NBPF19: variants seen among roughly 807,000 people sequenced by gnomAD.
The protein encoded by NBPF19 is NBPF family member NBPF19.
NBPF19 carries 30 observed loss-of-function variants against 45.9 expected under a neutral mutation model. The observed-to-expected ratio is 0.65, with a 90% CI of 0.49 to 0.89. The LOEUF (loss-of-function observed/expected upper bound fraction) is 0.89. NBPF19 is among the 40% of genes least tolerant of loss of function. The pLI is 0.00. For synonymous variants in NBPF19, 183 were observed against 181.2 expected (o/e 1.01, Z -0.08); for missense variants, 495 against 471.8 (o/e 1.05, Z -0.46).
In NBPF19 at chr1:149,554,512, T is replaced by A; in HGVS notation, c.11306T>A (p.Met3769Lys). ...TTTTCCAGGCTCAACAGCGTGCTGA[T>A]GGAAGTGGAAGAGCCTGAAGTCTTA... ...PPCPRLNSVL[M>K]EVEEPEVLQD... The change falls in exon 94 of 94, where the codon ATG (methionine) becomes AAG (lysine). Residue 3769 changes from methionine to lysine, a missense_variant. Met to Lys is a moderately conservative substitution (Grantham distance 95). Around this residue, in one of 8 missense-constraint regions of NBPF19, gnomAD observed 248 missense variants for 95.4 expected, o/e 2.60. Coordinates refer to ENST00000651566, the MANE Select transcript of NBPF19 (RefSeq NM_001351365.2). 1 of 1,608,236 alleles carries A rather than the reference T, an allele frequency of 6.2e-7. No homozygotes were observed. Among genetic ancestry groups the A allele is most frequent in the Non-Finnish European group, 8.5e-7 (1 of 1,176,720 alleles).
Position 149,554,729 on chromosome 1 carries a change from C to T in NBPF19, c.11523C>T (p.Phe3841=). 6 of 1,608,144 alleles carry T rather than the reference C, an allele frequency of 3.7e-6. 1 individual carries two copies. The highest frequency in any genetic ancestry group is 5.1e-6 in the Non-Finnish European group (6 of 1,176,652). Residue 3841 remains phenylalanine, a synonymous_variant, in exon 94 of 94, where the codon TTC becomes TTT. Coordinates refer to ENST00000651566, the MANE Select transcript of NBPF19 (RefSeq NM_001351365.2). ...TGGTGTTCCAGATGTTAGTCATATT[C>T]CCACAATAGGCAGCCCTTACTAAGC... The part of the protein sequence containing the change: ...LHLVFQMLVI[F]PQ
chr1:149,478,525 T>C (rs1275507121), intron 3 of NBPF19, among the ~76,000 whole-genome samples: 14 of 151,298 alleles, frequency 9.3e-5, no homozygotes, highest in South Asian at 4.2e-4. Flanking sequence ...GGCTTTGTAT[T>C]TAGTGGCCGC....
In NBPF19 at chr1:149,554,717, G is replaced by A. The variant is rs1433007805; in HGVS notation, c.11511G>A (p.Met3837Ile). The change falls in exon 94 of 94, where the codon ATG becomes ATA. Residue 3837 changes from methionine to isoleucine, a missense_variant. Physicochemically the swap from Met to Ile is conservative, Grantham distance 10. Around this residue, in one of 8 missense-constraint regions of NBPF19, gnomAD observed 248 missense variants for 95.4 expected, o/e 2.60. Transcript: ENST00000651566. ...TVTSLHLVFQ[M>I]LVIFPQ is the part of the protein sequence containing the mutation. Reference sequence around the variant, plus strand: ...CAAGTCTCCATCTGGTGTTCCAGATGTTAGTCATATTCCCACAATAGGCAG... The same window carrying A: ...CAAGTCTCCATCTGGTGTTCCAGATATTAGTCATATTCCCACAATAGGCAG... 2.7e-5 allele frequency: 43 copies of A among 1,608,104 alleles called. 1 individual carries two copies. Among genetic ancestry groups the A allele is most frequent in the South Asian group, 9.9e-5 (9 of 90,894 alleles).
At chr1:149,521,151 A>G (rs1172779299) in intron 51 of NBPF19, among the ~76,000 whole-genome samples, 168 bp from the exon 52 acceptor site, 5 of 76,130 alleles carry the variant, frequency 6.6e-5, no homozygotes, top group African/African-American at 2.1e-4. Context: ...ATTGTTTTCT[A>G]CCTGGCCCTG....
chr1:149,554,513 G>C lies in NBPF19; in HGVS notation c.11307G>C (p.Met3769Ile). 1.2e-6 allele frequency: 2 copies of C among 1,608,188 alleles called. No individual in the cohort carries two copies. The highest frequency in any genetic ancestry group is 1.1e-5 in the South Asian group (1 of 90,880). ...PPCPRLNSVL[M>I]EVEEPEVLQD... ...TTTCCAGGCTCAACAGCGTGCTGAT[G>C]GAAGTGGAAGAGCCTGAAGTCTTAC... is the stretch of plus-strand genomic sequence containing the variant. Residue 3769 changes from methionine (M) to isoleucine (I), a missense_variant, in exon 94 of 94, where the codon ATG becomes ATC. Physicochemically the swap from Met to Ile is conservative, Grantham distance 10 (BLOSUM62 1). Transcript: ENST00000651566.
In NBPF19 at chr1:149,478,977, C is replaced by T. The variant is rs2085010141; in HGVS notation, c.376C>T (p.His126Tyr). ...AGATGCCTCCCGCTCATTGAATGAG[C>T]ATCTCCAGGCCCTCCTCACTCCGGA... ...GRDASRSLNE[H>Y]LQALLTPDEP... The change falls in exon 4 of 94, where the codon CAT (histidine) becomes TAT (tyrosine). Residue 126 changes from histidine to tyrosine, a missense_variant. His to Tyr is a moderately conservative substitution (Grantham distance 83). Transcript: ENST00000651566. 1 of 1,594,704 alleles carries T rather than the reference C, an allele frequency of 6.3e-7. No homozygotes were observed. Among genetic ancestry groups the T allele is most frequent in the Admixed American group, 1.7e-5 (1 of 59,804 alleles).
At chr1:149,479,204 C>T in intron 4 of NBPF19, 110 bp downstream of exon 4, 1 of 1,476,486 alleles carries the variant, frequency 6.8e-7, no homozygotes, top group Non-Finnish European at 9.4e-7. Context: ...TTCTACTACA[C>T]CTATGTGGCC....
rs1177850293 is a variant in NBPF19, at chr1:149,475,275, T to A, written c.-556T>A. ...AGGATATCAGGGCAGGCTAAAAGTT[T>A]GATATCTTACACCTGTGGAAAAGCC... On this transcript the variant is annotated 5_prime_UTR_variant, in exon 1 of 94. Transcript: ENST00000651566. Among the ~76,000 whole-genome samples the A allele has an allele frequency of 9.2e-3, 1,386 of 150,452 alleles. 52 individuals carry two copies. The highest frequency in any genetic ancestry group is 0.032 in the African/African-American group (1,312 of 40,984).
Position 149,554,568 on chromosome 1 carries a change from C to A in NBPF19, c.11362C>A (p.Pro3788Thr). The A allele has an allele frequency of 6.2e-7, 1 of 1,608,240 alleles. No homozygotes were observed. The highest frequency in any genetic ancestry group is 1.1e-5 in the South Asian group (1 of 90,886). The change falls in exon 94 of 94, where the codon CCG becomes ACG. Residue 3788 changes from proline to threonine, a missense_variant. Coordinates refer to ENST00000651566, the MANE Select transcript of NBPF19 (RefSeq NM_001351365.2). ...QDSLDGCYST[P>T]SMYFELPDSF... ...CTCACTGGATGGATGTTATTCGACT[C>A]CGTCAATGTACTTTGAACTACCTGA...
rs1304227540 is a variant in NBPF19, at chr1:149,487,481, T to G, written c.1040+98T>G. 49 of 989,620 alleles carry G rather than the reference T, an allele frequency of 5.0e-5. 1 individual carries two copies. The highest frequency in any genetic ancestry group is 7.8e-5 in the Non-Finnish European group (49 of 624,726). 61.3% of individuals were successfully genotyped at this position (989,620 alleles called of 1,614,324 possible). ...CATGCTGAAAATAATGATTTTGTCT[T>G]GTCAGACAAGTCTGAATTATGCCTA... On this transcript the variant is annotated intron_variant, in intron 9 of 93. Transcript: ENST00000651566.
intron 61 of NBPF19, among the ~76,000 whole-genome samples, chr1:149,528,945 CTGTGTGTGTGTGTG>C (rs1182341067): frequency 4.6e-5 from 5 of 109,058 alleles, no homozygotes; most frequent in Admixed American, 2.8e-4. Context: ...TTCTCTCTCT[CTGTGTGTGTGTGTG>C]TGTGTGTGTG....
Position 149,478,245 on chromosome 1 carries a change from T to C in NBPF19, c.278+198T>C, listed in dbSNP as rs1231406878. Among the ~76,000 whole-genome samples, 2 of 151,232 alleles carry C rather than the reference T, an allele frequency of 1.3e-5. 1 individual carries two copies. The highest frequency in any genetic ancestry group is 3.0e-5 in the Non-Finnish European group (2 of 67,632). ...TGTGTTGCAGTTGTTTCTTAGAGCC[T>C]TGTTTTCTCTTTTTCAAACAAGTAA... On this transcript the variant is annotated intron_variant, in intron 3 of 93. Transcript: ENST00000651566.
intron 7 of NBPF19, among the ~76,000 whole-genome samples, chr1:149,485,621 G>A (rs1317788394): frequency 6.9e-5 from 4 of 58,040 alleles, no homozygotes; most frequent in African/African-American, 2.8e-4. Flanking sequence ...CCAGGGAGAG[G>A]TGTATATATG....
At position 149,554,680 on chromosome 1, in the gene NBPF19, C is replaced by A. The variant is rs1193569488; in HGVS notation, c.11474C>A (p.Thr3825Asn). Residue 3825 changes from threonine (T) to asparagine (N), a missense_variant, in exon 94 of 94, where the codon ACT (threonine) becomes AAT (asparagine). Physicochemically the swap from Thr to Asn is moderately conservative, Grantham distance 65. Around this residue, in one of 8 missense-constraint regions of NBPF19, gnomAD observed 248 missense variants for 95.4 expected, o/e 2.60. Transcript: ENST00000651566. The stretch of plus-strand genomic sequence containing the variant: ...CTTTACTTGGACAATAGGTTTTTTA[C>A]TTTGACGGTGACAAGTCTCCATCTG... ...FALYLDNRFFTLTVTSLHLVF... is the reference protein window; with the variant it reads ...FALYLDNRFFNLTVTSLHLVF... The A allele has an allele frequency of 1.2e-6, 2 of 1,608,164 alleles. No homozygotes were observed. Among genetic ancestry groups the A allele is most frequent in the African/African-American group, 2.7e-5 (2 of 74,634 alleles).
intron 2 of NBPF19, among the ~76,000 whole-genome samples, chr1:149,477,714 G>T (rs2084926770): frequency 1.3e-5 from 2 of 151,244 alleles, no homozygotes; most frequent in Non-Finnish European, 3.0e-5. Flanking sequence ...GAATCATCTT[G>T]TCAACTTCCT....
Position 149,554,560 on chromosome 1 carries a change from A to T in NBPF19, c.11354A>T (p.Tyr3785Phe), listed in dbSNP as rs2087197384. 5 of 1,608,252 alleles carry T rather than the reference A, an allele frequency of 3.1e-6. No homozygotes were observed. Among genetic ancestry groups the T allele is most frequent in the Middle Eastern group, 2.3e-4 (1 of 4,428 alleles). ...TTACAGGACTCACTGGATGGATGTT[A>T]TTCGACTCCGTCAATGTACTTTGAA... ...EVLQDSLDGC[Y>F]STPSMYFELP... Residue 3785 changes from tyrosine to phenylalanine, a missense_variant, in exon 94 of 94, where the codon TAT (tyrosine) becomes TTT (phenylalanine). Tyr to Phe is a conservative substitution (Grantham distance 22, BLOSUM62 3). Coordinates refer to ENST00000651566, the MANE Select transcript of NBPF19 (RefSeq NM_001351365.2).
Position 149,488,015 on chromosome 1 carries a change from T to C in NBPF19, c.1043T>C (p.Leu348Pro). ...KEDQEATGPR[L>P]SRELLDEKGP... ...TTTACTTTTTCCCACTTTTCCAGGC[T>C]CAGCAGGGAGCTGCTGGATGAGAAA... is the stretch of plus-strand genomic sequence containing the variant. Residue 348 changes from leucine to proline, a missense_variant and splice_region_variant, in exon 10 of 94, where the codon CTC (leucine) becomes CCC (proline). Physicochemically the swap from Leu to Pro is moderately conservative, Grantham distance 98 (BLOSUM62 -3). Coordinates refer to ENST00000651566, the MANE Select transcript of NBPF19 (RefSeq NM_001351365.2). 1 of 688,196 alleles carries C rather than the reference T, an allele frequency of 1.5e-6. No homozygotes were observed. Among genetic ancestry groups the C allele is most frequent in the Admixed American group, 2.1e-5 (1 of 47,210 alleles). 42.6% of individuals were successfully genotyped at this position (688,196 alleles called of 1,614,324 possible).
chr1:149,554,355 T>C (rs1333799545), intron 93 of NBPF19, 140 bp from the exon 94 acceptor site: 8 of 1,530,648 alleles, frequency 5.2e-6, no homozygotes, highest in Non-Finnish European at 7.1e-6. Context: ...ATAAAGGCAA[T>C]AAATTTTTTT....
chr1:149,487,403 GAC>G lies in NBPF19; in HGVS notation c.1040+22_1040+23del. On this transcript the variant is annotated intron_variant, in intron 9 of 93. Coordinates refer to ENST00000651566, the MANE Select transcript of NBPF19 (RefSeq NM_001351365.2). Reference sequence around the variant, plus strand: ...TCCCAGGTGAGTCTGAGAAATTGTGGACAGTTAATTTGATGTTGACACCTGGA... The same window carrying G: ...TCCCAGGTGAGTCTGAGAAATTGTGGAGTTAATTTGATGTTGACACCTGGA... The G allele has an allele frequency of 1.5e-6, 2 of 1,375,100 alleles. No individual in the cohort carries two copies. Among genetic ancestry groups the G allele is most frequent in the East Asian group, 2.3e-5 (1 of 43,862 alleles). 85.2% of individuals were successfully genotyped at this position (1,375,100 alleles called of 1,614,324 possible). A position where few individuals can be genotyped will look rare whatever the true frequency, so the allele number is the denominator to read the frequency against.
Sources: gnomAD v4.1 joint callset for allele counts (sites outside exome capture counted in the v4.1 genomes callset) on GRCh38, gnomAD v4.1.1 for gene constraint, gnomAD v4.1.1 regional missense constraint, MANE v1.5 for transcripts, NCBI Gene and HGNC (gene_info 2026-07-23, HGNC 2026-07-21) for gene names.